Variants in SNTG1 observed in about 807,000 individuals in gnomAD.
SNTG1 encodes the protein syntrophin gamma 1.
SNTG1 carries 39 observed loss-of-function variants against 74.7 expected under a neutral mutation model. The observed-to-expected ratio is 0.52, with a 90% CI of 0.40 to 0.68. The LOEUF (loss-of-function observed/expected upper bound fraction) is 0.68. SNTG1 is among the 30% of genes least tolerant of loss of function. The probability of loss-of-function intolerance (pLI) is 0.00; values close to 1 mark genes in which losing one functional copy is unlikely to be tolerated. For synonymous variants in SNTG1, 254 were observed against 217.1 expected (o/e 1.17, Z -1.49); for missense variants, 685 against 609.5 (o/e 1.12, Z -1.30).
intron 1 of SNTG1, among the ~76,000 whole-genome samples, chr8:50,161,513 G>C (rs927213579): frequency 2.0e-5 from 3 of 151,894 alleles, no homozygotes; most frequent in Admixed American, 1.3e-4. Flanking sequence ...GTAGGGAAAG[G>C]CTAACTTTCA....
chr8:50,502,647 C>A (rs2623206), intron 8 of SNTG1, 131 bp from the exon 9 acceptor site: 84,864 of 677,510 alleles, frequency 0.13, 5,729 homozygotes, highest in African/African-American at 0.18. Context: ...CTCCCTCTAT[C>A]TTTTATAAAA....
chr8:50,105,818 T>C (rs1459261393), intron 1 of SNTG1, among the ~76,000 whole-genome samples: 1 of 152,112 alleles, frequency 6.6e-6, no homozygotes, highest in African/African-American at 2.4e-5. Flanking sequence ...CATTCTGAAT[T>C]TGGCTTTCAG....
rs1359299234 is a variant in SNTG1 at position 50,554,260 on chromosome 8, C to T, written c.810+1081C>T. 2.0e-5 allele frequency among the ~76,000 whole-genome samples: 3 copies of T among 152,184 alleles called. No individual in the cohort carries two copies. In the East Asian group the frequency reaches 5.8e-4, roughly 29 times the overall value. On this transcript the variant is annotated intron_variant, in intron 12 of 18. Coordinates refer to ENST00000642720, the MANE Select transcript of SNTG1 (RefSeq NM_018967.5). ...ATAGCCATGCATATGGTGATGGGAT[C>T]CTCTGGGAATGGGGTTGACAGTCAT...
chr8:50,137,744 C>T (rs185387556), intron 1 of SNTG1, among the ~76,000 whole-genome samples: 50 of 152,230 alleles, frequency 3.3e-4, no homozygotes, highest in Non-Finnish European at 6.3e-4. Context: ...GACGTCCAGG[C>T]AGGAGGCAGC....
chr8:50,299,727 C>T (rs888075476), intron 2 of SNTG1, among the ~76,000 whole-genome samples: 2 of 151,924 alleles, frequency 1.3e-5, no homozygotes, highest in Non-Finnish European at 2.9e-5. Context: ...CTTGTCTGTA[C>T]CATATTTATT....
At chr8:50,515,406 T>C (rs2094123639) in intron 9 of SNTG1, among the ~76,000 whole-genome samples, 1 of 108,040 alleles carries the variant, frequency 9.3e-6, no homozygotes, top group Non-Finnish European at 1.7e-5. Flanking sequence ...TTTTTTTTTT[T>C]TTTTTTTTTG....
intron 2 of SNTG1, among the ~76,000 whole-genome samples, chr8:50,340,800 G>A (rs1404420024): frequency 6.6e-6 from 1 of 151,840 alleles, no homozygotes; most frequent in African/African-American, 2.4e-5. Context: ...TAAAAATGAT[G>A]CACTCTGTAA....
At chr8:50,500,724 A>G (rs2093943939) in intron 8 of SNTG1, among the ~76,000 whole-genome samples, 1 of 151,988 alleles carries the variant, frequency 6.6e-6, no homozygotes, top group Non-Finnish European at 1.5e-5. Context: ...TTCCATTTAC[A>G]ATATATGTTT....
chr8:50,328,438 C>T (rs980276691), intron 2 of SNTG1, among the ~76,000 whole-genome samples: 13 of 152,092 alleles, frequency 8.5e-5, no homozygotes, highest in African/African-American at 2.9e-4. Context: ...TTTAATTGAC[C>T]TACAGTTCTG....
chr8:50,095,134 A>G (rs761485501), intron 1 of SNTG1, among the ~76,000 whole-genome samples: 35 of 152,160 alleles, frequency 2.3e-4, no homozygotes, highest in African/African-American at 8.5e-4. Context: ...GACGGGAGCA[A>G]TAAACGTCAG....
chr8:50,449,585 C>G (rs2093436652), intron 5 of SNTG1, 83 bp from the exon 6 acceptor site: 1 of 1,009,330 alleles, frequency 9.9e-7, no homozygotes, highest in African/African-American at 1.7e-5. Context: ...CTTAACATTC[C>G]CTTCAGAGCC....
At chr8:50,372,866 A>G (rs1007476072) in intron 2 of SNTG1, among the ~76,000 whole-genome samples, 2 of 152,218 alleles carry the variant, frequency 1.3e-5, no homozygotes, top group African/African-American at 2.4e-5. Flanking sequence ...GATTTCGTAT[A>G]CAAAAAATAA....
intron 12 of SNTG1, among the ~76,000 whole-genome samples, chr8:50,570,588 G>GTTATTA (rs1165108196): frequency 6.0e-4 from 52 of 86,884 alleles, no homozygotes; most frequent in African/African-American, 2.1e-3. Context: ...TATTATTATT[G>GTTATTA]TTGTTATTAT....
At chr8:50,693,375 C>T (rs1303282762) in intron 15 of SNTG1, among the ~76,000 whole-genome samples, 1 of 152,078 alleles carries the variant, frequency 6.6e-6, no homozygotes, top group Non-Finnish European at 1.5e-5. Context: ...CGGAGCTGTT[C>T]CTATTCGGCA....
At chr8:50,362,256 A>AGAAT (rs2091979857) in intron 2 of SNTG1, among the ~76,000 whole-genome samples, 1 of 152,194 alleles carries the variant, frequency 6.6e-6, no homozygotes, top group African/African-American at 2.4e-5. Context: ...CCCTTGACTG[A>AGAAT]GAATGAAGAT....
intron 8 of SNTG1, among the ~76,000 whole-genome samples, chr8:50,484,147 T>C (rs1218277299): frequency 1.0e-5 from 1 of 99,982 alleles, no homozygotes. Flanking sequence ...CTTCTTTCTT[T>C]CTTTCCTTCC....
At chr8:50,574,335 T>G (rs2094565184) in intron 12 of SNTG1, among the ~76,000 whole-genome samples, 1 of 152,162 alleles carries the variant, frequency 6.6e-6, no homozygotes, top group Non-Finnish European at 1.5e-5. Context: ...TATATTTACC[T>G]GATATTTTTA....
intron 1 of SNTG1, among the ~76,000 whole-genome samples, chr8:50,101,910 A>G (rs2131236496): frequency 6.6e-6 from 1 of 152,258 alleles, no homozygotes; most frequent in South Asian, 2.1e-4. Flanking sequence ...ATGGCTGCAT[A>G]GTATTCCATG....
intron 2 of SNTG1, among the ~76,000 whole-genome samples, chr8:50,379,324 A>T (rs1333605102): frequency 6.6e-6 from 1 of 152,086 alleles, no homozygotes; most frequent in Non-Finnish European, 1.5e-5. Context: ...CTATGAAAGC[A>T]GGGGGGGCCT....
Sources: allele counts gnomAD v4.1 joint callset (sites outside exome capture counted in the v4.1 genomes callset), GRCh38; gene constraint gnomAD v4.1.1; transcripts MANE v1.5; gene names NCBI Gene and HGNC (gene_info 2026-07-23, HGNC 2026-07-21).